Variants in HERC3 observed in about 807,000 individuals in gnomAD.
HERC3 encodes probable E3 ubiquitin-protein ligase HERC3.
Under a neutral mutation model 129.9 loss-of-function variants are expected in HERC3, and 58 were observed. The ratio of observed to expected loss-of-function variants is 0.45; its 90% CI spans 0.36 to 0.56. The LOEUF (loss-of-function observed/expected upper bound fraction) is 0.56. Ranked by LOEUF, HERC3 falls within the 20% of genes least tolerant of loss-of-function variation. HERC3 has a pLI of 0.00. For missense variants in HERC3, 835 were observed against 1,244.2 expected (o/e 0.67, Z 4.95); for synonymous variants, 430 against 451.0 (o/e 0.95, Z 0.59).
At chr4:88,599,769 A>G (rs142146736) in intron 2 of HERC3, among the ~76,000 whole-genome samples, 122 of 152,358 alleles carry the variant, frequency 8.0e-4, no homozygotes, top group African/African-American at 2.9e-3. Flanking sequence ...AAGCAAGGCA[A>G]TTGGTTGGGT....
chr4:88,659,288 T>G (rs146891942), intron 10 of HERC3, among the ~76,000 whole-genome samples: 2 of 152,266 alleles, frequency 1.3e-5, no homozygotes, highest in South Asian at 4.1e-4. Context: ...GGGCTGTTAG[T>G]GAAGAAAAAG....
chr4:88,548,893 C>T, the HERC3 span, among the ~76,000 whole-genome samples: 1 of 152,208 alleles, frequency 6.6e-6, no homozygotes, highest in African/African-American at 2.4e-5. Context: ...GATCTCCTGA[C>T]CTCGTGATCC....
intron 1 of HERC3, among the ~76,000 whole-genome samples, chr4:88,592,792 C>T (rs1053885873): frequency 1.6e-4 from 24 of 152,096 alleles, no homozygotes; most frequent in African/African-American, 4.8e-4. Context: ...TAGTACCCTG[C>T]GTACGCCTCC....
chr4:88,660,351 G>A (rs1489274710), intron 10 of HERC3, among the ~76,000 whole-genome samples: 5 of 151,964 alleles, frequency 3.3e-5, no homozygotes, highest in Admixed American at 1.3e-4. Context: ...ACAGGCGTCC[G>A]CTACCATGCC....
chr4:88,657,217 G>GTA (rs2149280876), intron 9 of HERC3: 1 of 152,316 alleles, frequency 6.6e-6, no homozygotes, highest in African/African-American at 2.4e-5. Context: ...GTTTGAAACA[G>GTA]TAACCATCAT....
At chr4:88,621,479 CT>C (rs1245300061) in intron 3 of HERC3, among the ~76,000 whole-genome samples, 2 of 152,132 alleles carry the variant, frequency 1.3e-5, no homozygotes, top group Non-Finnish European at 2.9e-5. Flanking sequence ...AGTATAGAAT[CT>C]TTTTTGTTTG....
intron 15 of HERC3, 34 bp from the exon 16 acceptor site, chr4:88,670,105 A>T: frequency 6.2e-7 from 1 of 1,601,348 alleles, no homozygotes; most frequent in Non-Finnish European, 8.6e-7. Flanking sequence ...CTGGGAAGCC[A>T]TGTTTCAGTT....
intron 23 of HERC3, chr4:88,697,345 T>C: frequency 1.2e-6 from 2 of 1,613,384 alleles, no homozygotes; most frequent in South Asian, 2.2e-5. Flanking sequence ...CTCCTCCTCC[T>C]CCCCCTCCAA....
the HERC3 span, among the ~76,000 whole-genome samples, chr4:88,538,460 G>A: frequency 6.6e-6 from 1 of 151,886 alleles, no homozygotes; most frequent in Non-Finnish European, 1.5e-5. Flanking sequence ...TTTCTTCTAA[G>A]CCTCTCTCCT....
At chr4:88,619,271 A>G (rs1234626313) in intron 3 of HERC3, among the ~76,000 whole-genome samples, 1 of 152,250 alleles carries the variant, frequency 6.6e-6, no homozygotes, top group African/African-American at 2.4e-5. Flanking sequence ...ATAAAGTACT[A>G]GGACACTTTG....
intron 19 of HERC3, among the ~76,000 whole-genome samples, chr4:88,679,454 C>T (rs1732520615): frequency 6.6e-6 from 1 of 150,798 alleles, no homozygotes; most frequent in South Asian, 2.1e-4. Context: ...ATATTTGACT[C>T]TTTAAAAATA....
chr4:88,523,910 C>T, the HERC3 span: 2 of 543,780 alleles, frequency 3.7e-6, no homozygotes, highest in Admixed American at 3.9e-5. Context: ...GTCCGGAGGA[C>T]AGCCCCAGGG....
rs185954933 is a variant in HERC3 at position 88,656,769 on chromosome 4, C to T, written c.1069+734C>T. ...TTGAATGCTTAATGACGTTTCATTA[C>T]TATGCAAAGCACTCAAAATAATCTA... is the stretch of plus-strand genomic sequence containing the variant. On this transcript the variant is annotated intron_variant, in intron 9 of 25. Transcript: ENST00000402738. 279 of 152,308 alleles carry T rather than the reference C, an allele frequency of 1.8e-3. 1 individual carries two copies. Among genetic ancestry groups the T allele is most frequent in the Non-Finnish European group, 2.2e-3 (153 of 68,034 alleles). The allele number at this position is 152,308 out of a possible 1,614,324, so 9.4% of individuals were successfully genotyped here.
chr4:88,664,390 T>TA (rs35101315), intron 12 of HERC3, among the ~76,000 whole-genome samples, 178 bp downstream of exon 12: 1 of 152,104 alleles, frequency 6.6e-6, no homozygotes, highest in Non-Finnish European at 1.5e-5. Context: ...CCCATCTTTT[T>TA]AAAAAAAGTT....
In HERC3 at chr4:88,649,867, A is replaced by G. The variant is rs1393996861; in HGVS notation, c.254A>G (p.His85Arg). ...CAAATTGGAGCTCTGGCAGATCAGC[A>G]TATCATTCATGTGGCATGTGGCGAG... is the stretch of plus-strand genomic sequence containing the variant. ...PEQIGALADQ[H>R]IIHVACGESH... The change falls in exon 4 of 26, where the codon CAT becomes CGT. Residue 85 changes from histidine (H) to arginine (R), a missense_variant. By Grantham distance (29) the His-to-Arg change is conservative. Transcript: ENST00000402738. The G allele has an allele frequency of 5.0e-6, 8 of 1,614,036 alleles. No individual in the cohort carries two copies. The highest frequency in any genetic ancestry group is 2.2e-5 in the South Asian group (2 of 91,074).
intron 23 of HERC3, 70 bp from the exon 24 acceptor site, chr4:88,704,028 G>C: frequency 2.2e-6 from 3 of 1,365,498 alleles, no homozygotes; most frequent in Non-Finnish European, 3.1e-6. Flanking sequence ...CCCAATCTCA[G>C]TGTAGAAGGG....
At chr4:88,547,496 C>A in the HERC3 span, among the ~76,000 whole-genome samples, 3 of 152,130 alleles carry the variant, frequency 2.0e-5, no homozygotes, top group Non-Finnish European at 2.9e-5. Context: ...TACTTATTAG[C>A]ACTTACTCCC....
At chr4:88,589,370 T>A (rs187277730), upstream of HERC3, among the ~76,000 whole-genome samples, 388 of 152,316 alleles carry the variant, frequency 2.5e-3, 3 homozygotes, top group African/African-American at 8.9e-3. Flanking sequence ...TACAGGGGCA[T>A]GAGCCTAGAA....
intron 10 of HERC3, 93 bp from the exon 11 acceptor site, chr4:88,662,338 A>G (rs1730576416): frequency 1.6e-6 from 2 of 1,286,618 alleles, no homozygotes; most frequent in Non-Finnish European, 2.2e-6. Flanking sequence ...ATCATAAGTG[A>G]AACGTAAAAT....
Sources: allele counts gnomAD v4.1 joint callset (sites outside exome capture counted in the v4.1 genomes callset), GRCh38; gene constraint gnomAD v4.1.1; transcripts MANE v1.5; gene names NCBI Gene and HGNC (gene_info 2026-07-23, HGNC 2026-07-21).